The following MBD5 variants were observed in gnomAD, a reference collection of about 807,000 sequenced individuals.
The protein encoded by MBD5 is methyl-CpG-binding domain protein 5.
In MBD5, 13 loss-of-function variants were observed where a neutral mutation model predicts 117.3. The ratio of observed to expected loss-of-function variants is 0.11; its 90% CI spans 0.07 to 0.18. MBD5 has a LOEUF of 0.18. Among genes scored for constraint, MBD5 ranks in the 10% least tolerant of loss-of-function variants. The probability of loss-of-function intolerance (pLI) is 1.00; values close to 1 mark genes in which losing one functional copy is unlikely to be tolerated. For missense variants in MBD5, 1,879 were observed against 2,093.8 expected (o/e 0.90, Z 2.00); for synonymous variants, 727 against 766.4 (o/e 0.95, Z 0.85).
rs190190773 is a variant in MBD5, at chr2:148,477,007, T to A, written c.2519-6103T>A. Among the ~76,000 whole-genome samples the A allele has an allele frequency of 2.2e-3, 339 of 151,832 alleles. 1 individual carries two copies. Among genetic ancestry groups the A allele is most frequent in the African/African-American group, 4.0e-3 (167 of 41,410 alleles). ...AAAATGTGATCAAAGAGGAATTTTT[T>A]AAAAAAAACCCTATTACTTGAGTAA... On this transcript the variant is annotated intron_variant, in intron 8 of 13. Transcript: ENST00000642680.
intron 1 of MBD5, among the ~76,000 whole-genome samples, chr2:148,154,012 C>T (rs1179618492): frequency 6.1e-5 from 7 of 115,198 alleles, no homozygotes; most frequent in Non-Finnish European, 1.1e-4. Context: ...GGAGGAGAGG[C>T]GCTCTGCGTT....
chr2:148,075,075 A>G (rs1282089349), intron 1 of MBD5, among the ~76,000 whole-genome samples: 1 of 152,126 alleles, frequency 6.6e-6, no homozygotes. Flanking sequence ...ATAGAGATGC[A>G]GTAGAAAAGC....
At chr2:148,419,914 C>A (rs1173881808) in intron 4 of MBD5, among the ~76,000 whole-genome samples, 1 of 152,074 alleles carries the variant, frequency 6.6e-6, no homozygotes, top group Non-Finnish European at 1.5e-5. Context: ...TCTGGAGGAA[C>A]TCATTTCTAT....
Position 148,516,466 on chromosome 2 carries a change from A to AT in MBD5, c.*3528dup, listed in dbSNP as rs1682345785. ...TATCAAATGAGTTGTGCATTGATTC[A>AT]TTTGGGGGACATGAACAAAAATTAT... On this transcript the variant is annotated 3_prime_UTR_variant, in exon 14 of 14. Coordinates refer to ENST00000642680, the MANE Select transcript of MBD5 (RefSeq NM_001378120.1). The AT allele has an allele frequency of 6.6e-6, 1 of 152,192 alleles. No homozygotes were observed. Among genetic ancestry groups the AT allele is most frequent in the South Asian group, 2.1e-4 (1 of 4,826 alleles). 9.4% of individuals were successfully genotyped at this position (152,192 alleles called of 1,614,324 possible).
At chr2:148,361,045 A>T (rs1703518107) in intron 4 of MBD5, among the ~76,000 whole-genome samples, 1 of 152,098 alleles carries the variant, frequency 6.6e-6, no homozygotes, top group South Asian at 2.1e-4. Flanking sequence ...AAGAAAAATA[A>T]GAAAAAAAGT....
intron 4 of MBD5, among the ~76,000 whole-genome samples, chr2:148,376,833 AC>A (rs1307973124): frequency 1.3e-5 from 1 of 79,568 alleles, no homozygotes; most frequent in Non-Finnish European, 2.4e-5. Context: ...AATATATATA[AC>A]ATATATATAA....
At chr2:148,057,521 T>G (rs537827782) in intron 1 of MBD5, among the ~76,000 whole-genome samples, 2 of 152,010 alleles carry the variant, frequency 1.3e-5, no homozygotes, top group South Asian at 4.1e-4. Context: ...TATCTTTTTT[T>G]ATTATTGATT....
intron 3 of MBD5, among the ~76,000 whole-genome samples, chr2:148,275,891 T>G (rs1274223060): frequency 6.6e-6 from 1 of 152,200 alleles, no homozygotes; most frequent in East Asian, 1.9e-4. Flanking sequence ...ATAAATTTGT[T>G]AATTTTTATT....
intron 3 of MBD5, among the ~76,000 whole-genome samples, chr2:148,256,735 C>T (rs972755695): frequency 3.9e-5 from 6 of 152,242 alleles, no homozygotes; most frequent in Admixed American, 6.5e-5. Context: ...CATGGCCTAT[C>T]GAGAATGGGG....
Position 148,469,594 on chromosome 2 carries a change from G to A in MBD5, c.1651G>A (p.Val551Ile). ...TACTGCATCTGCCGGAAGTAGTTCT[G>A]TAAAGAGTCAGCCTGGTTTGCTGGG... is the stretch of plus-strand genomic sequence containing the variant. The part of the protein sequence containing the change: ...FPTASAGSSS[V>I]KSQPGLLGMP... Residue 551 changes from valine to isoleucine, a missense_variant, in exon 8 of 14, where the codon GTA (valine) becomes ATA (isoleucine). By Grantham distance (29) the Val-to-Ile change is conservative. Around this residue, in one of 4 missense-constraint regions of MBD5, gnomAD observed 1,666 missense variants for 1,792.2 expected, o/e 0.93. Transcript: ENST00000642680. 2.5e-6 allele frequency: 4 copies of A among 1,613,922 alleles called. No homozygotes were observed. Among genetic ancestry groups the A allele is most frequent in the African/African-American group, 1.3e-5 (1 of 75,044 alleles).
At chr2:148,313,757 G>A (rs1157474858) in intron 3 of MBD5, among the ~76,000 whole-genome samples, 3 of 152,148 alleles carry the variant, frequency 2.0e-5, no homozygotes, top group Non-Finnish European at 2.9e-5. Flanking sequence ...TGAAACCCAG[G>A]GCCCTAGTGG....
intron 1 of MBD5, among the ~76,000 whole-genome samples, chr2:148,106,445 C>T (rs6719758): frequency 5.4e-4 from 82 of 151,702 alleles, no homozygotes; most frequent in African/African-American, 1.9e-3. Context: ...CTACTTTATA[C>T]TTTATGTTAT....
At chr2:148,507,562 A>T in intron 12 of MBD5, among the ~76,000 whole-genome samples, 1 of 151,488 alleles carries the variant, frequency 6.6e-6, no homozygotes, top group Non-Finnish European at 1.5e-5. Flanking sequence ...GATCGAGACC[A>T]TCCTGGCTAA....
chr2:148,122,486 G>A (rs1397363852), intron 1 of MBD5, among the ~76,000 whole-genome samples: 1 of 152,100 alleles, frequency 6.6e-6, no homozygotes, highest in African/African-American at 2.4e-5. Context: ...TACTTACGAA[G>A]GCAGGGAGGT....
intron 2 of MBD5, among the ~76,000 whole-genome samples, chr2:148,231,256 TA>T (rs1455135321): frequency 3.3e-5 from 5 of 152,198 alleles, no homozygotes; most frequent in African/African-American, 1.2e-4. Context: ...CCTTTCTGGC[TA>T]AACAGGCCTG....
At chr2:148,120,293 T>C (rs1425575067) in intron 1 of MBD5, among the ~76,000 whole-genome samples, 2 of 152,224 alleles carry the variant, frequency 1.3e-5, no homozygotes, top group African/African-American at 4.8e-5. Context: ...TGCATTTCCA[T>C]GTGAAATTCT....
At chr2:148,278,204 GTTA>G (rs1217591241) in intron 3 of MBD5, among the ~76,000 whole-genome samples, 3 of 152,046 alleles carry the variant, frequency 2.0e-5, no homozygotes, top group Admixed American at 6.6e-5. Flanking sequence ...CATTCGTATT[GTTA>G]TTATGATATT....
chr2:148,209,488 C>T lies in MBD5; in HGVS notation c.-830-23757C>T, dbSNP rs530505314. 9.9e-5 allele frequency among the ~76,000 whole-genome samples: 15 copies of T among 152,062 alleles called. No homozygotes were observed. In the East Asian group the frequency reaches 2.7e-3, roughly 27 times the overall value. ...TTCCTTGATCTTGGGCCTCCCATTC[C>T]CCAGAACTGTGAGCAATAAACTTCT... On this transcript the variant is annotated intron_variant, in intron 2 of 13. Transcript: ENST00000642680.
In MBD5 at chr2:148,143,879, T is replaced by C. The variant is rs1697378022; in HGVS notation, c.-924-34821T>C. The stretch of plus-strand genomic sequence containing the variant: ...GATGGACATTTGGGTTGGTTCCAAG[T>C]CTTTGCTATTGTGAATAGTGCCGCA... On this transcript the variant is annotated intron_variant, in intron 1 of 13. Coordinates refer to ENST00000642680, the MANE Select transcript of MBD5 (RefSeq NM_001378120.1). 2.0e-5 allele frequency among the ~76,000 whole-genome samples: 3 copies of C among 152,034 alleles called. No homozygotes were observed. In the South Asian group the frequency reaches 6.2e-4, roughly 32 times the overall value.
Sources: gnomAD v4.1 joint callset for allele counts (sites outside exome capture counted in the v4.1 genomes callset) on GRCh38, gnomAD v4.1.1 for gene constraint, gnomAD v4.1.1 regional missense constraint, MANE v1.5 for transcripts, NCBI Gene and HGNC (gene_info 2026-07-23, HGNC 2026-07-21) for gene names.